RABGAP1L: variants seen among roughly 807,000 people sequenced by gnomAD.
RABGAP1L encodes rab GTPase-activating protein 1-like.
In RABGAP1L, 63 loss-of-function variants were observed where a neutral mutation model predicts 137.7. That is an observed-to-expected ratio of 0.46 (90% CI 0.37 to 0.56). The LOEUF is 0.56. RABGAP1L is among the 20% of genes least tolerant of loss of function. The pLI is 0.00. For synonymous variants in RABGAP1L, 431 were observed against 433.7 expected (o/e 0.99, Z 0.08); for missense variants, 1,095 against 1,244.0 (o/e 0.88, Z 1.80).
chr1:174,614,002 T>C (rs1248706919), intron 13 of RABGAP1L, among the ~76,000 whole-genome samples: 1 of 152,236 alleles, frequency 6.6e-6, no homozygotes, highest in African/African-American at 2.4e-5. Flanking sequence ...GGGTCTTGAC[T>C]CTTTATCCAA....
At chr1:174,724,735 A>G (rs1681849773) in intron 17 of RABGAP1L, among the ~76,000 whole-genome samples, 1 of 152,214 alleles carries the variant, frequency 6.6e-6, no homozygotes, top group Non-Finnish European at 1.5e-5. Context: ...GATAATAAAT[A>G]CAAAAAATAT....
intron 13 of RABGAP1L, among the ~76,000 whole-genome samples, chr1:174,451,283 T>A (rs979364380): frequency 1.6e-4 from 25 of 152,208 alleles, no homozygotes; most frequent in African/African-American, 6.0e-4. Context: ...TACATATTAT[T>A]TGGGAATCGT....
intron 17 of RABGAP1L, among the ~76,000 whole-genome samples, chr1:174,745,589 G>A (rs916606242): frequency 6.6e-6 from 1 of 152,206 alleles, no homozygotes; most frequent in Non-Finnish European, 1.5e-5. Flanking sequence ...TACTAACAGT[G>A]TTCTGTCTCT....
At chr1:174,694,075 A>AT (rs1679069657) in intron 15 of RABGAP1L, among the ~76,000 whole-genome samples, 4 of 152,210 alleles carry the variant, frequency 2.6e-5, no homozygotes, top group Non-Finnish European at 1.5e-5. Flanking sequence ...TGTATTAAGT[A>AT]TTATAAAGAG....
At chr1:174,712,705 C>A (rs1680657406) in intron 17 of RABGAP1L, among the ~76,000 whole-genome samples, 1 of 152,244 alleles carries the variant, frequency 6.6e-6, no homozygotes, top group South Asian at 2.1e-4. Context: ...TTTCCCTGAT[C>A]ACCCGTTCTT....
At chr1:174,390,540 GCCAA>G (rs1436092889) in intron 12 of RABGAP1L, among the ~76,000 whole-genome samples, 4 of 152,140 alleles carry the variant, frequency 2.6e-5, no homozygotes, top group African/African-American at 9.6e-5. Context: ...AATAATCTGG[GCCAA>G]CCGAGTATTT....
intron 11 of RABGAP1L, among the ~76,000 whole-genome samples, chr1:174,305,634 C>T (rs1475486361): frequency 6.6e-6 from 1 of 152,130 alleles, no homozygotes; most frequent in Non-Finnish European, 1.5e-5. Context: ...AATCTGCCCG[C>T]CTCAGCCTAC....
chr1:174,848,949 G>C (rs534253168), intron 19 of RABGAP1L, among the ~76,000 whole-genome samples: 1 of 151,572 alleles, frequency 6.6e-6, no homozygotes, highest in Non-Finnish European at 1.5e-5. Context: ...TTTTTAAGCC[G>C]GTCTGAAAAG....
chr1:174,862,451 TC>T (rs1261710364), intron 19 of RABGAP1L, among the ~76,000 whole-genome samples: 2 of 152,132 alleles, frequency 1.3e-5, no homozygotes, highest in African/African-American at 4.8e-5. Context: ...GTTATCCTGA[TC>T]CAATACCTTA....
At chr1:174,350,866 A>T (rs1390830281) in intron 11 of RABGAP1L, among the ~76,000 whole-genome samples, 1 of 95,638 alleles carries the variant, frequency 1.0e-5, no homozygotes, top group Non-Finnish European at 2.2e-5. Flanking sequence ...AGGTTGGCGG[A>T]TCACTCGCGG....
chr1:174,752,386 A>G (rs1460715440), intron 18 of RABGAP1L, 32 bp downstream of exon 18: 6 of 1,473,230 alleles, frequency 4.1e-6, no homozygotes, highest in Admixed American at 1.9e-5. Context: ...AAGTTACCAC[A>G]TTCTCTTACC....
At chr1:174,846,438 G>A (rs1306018087) in intron 19 of RABGAP1L, among the ~76,000 whole-genome samples, 6 of 150,230 alleles carry the variant, frequency 4.0e-5, no homozygotes, top group East Asian at 2.0e-4. Context: ...CTTTGTTCTC[G>A]TTGGTTTCAA....
At chr1:174,642,500 T>G (rs1281897187) in intron 14 of RABGAP1L, among the ~76,000 whole-genome samples, 1 of 152,192 alleles carries the variant, frequency 6.6e-6, no homozygotes, top group East Asian at 1.9e-4. Flanking sequence ...ATTATGAGGA[T>G]GAATTATTTT....
intron 13 of RABGAP1L, among the ~76,000 whole-genome samples, chr1:174,452,680 G>A (rs1237827235): frequency 6.6e-6 from 1 of 152,096 alleles, no homozygotes; most frequent in Non-Finnish European, 1.5e-5. Context: ...TCCTGCCTCA[G>A]CCTCCCAAGT....
At chr1:174,576,018 GAA>G (rs1403864800) in intron 13 of RABGAP1L, among the ~76,000 whole-genome samples, 1 of 152,186 alleles carries the variant, frequency 6.6e-6, no homozygotes, top group Non-Finnish European at 1.5e-5. Context: ...AGTATACAGA[GAA>G]AAGAATTTAC....
chr1:174,316,513 T>C (rs923357291), intron 11 of RABGAP1L, among the ~76,000 whole-genome samples: 7 of 152,232 alleles, frequency 4.6e-5, no homozygotes, highest in Admixed American at 4.6e-4. Flanking sequence ...TTGATGGTCT[T>C]GGATAAGATC....
chr1:174,409,086 T>G (rs932762851), intron 13 of RABGAP1L, among the ~76,000 whole-genome samples: 11 of 152,188 alleles, frequency 7.2e-5, no homozygotes, highest in African/African-American at 2.7e-4. Flanking sequence ...ACTTGTTAAT[T>G]TATGTTTTCT....
At chr1:174,204,757 T>A (rs1431306012) in intron 1 of RABGAP1L, among the ~76,000 whole-genome samples, 1 of 152,200 alleles carries the variant, frequency 6.6e-6, no homozygotes, top group Non-Finnish European at 1.5e-5. Context: ...CTTGCTGTTC[T>A]CATGGTAGTG....
chr1:174,985,318 A>G (rs1671497889), intron 24 of RABGAP1L, among the ~76,000 whole-genome samples: 1 of 152,238 alleles, frequency 6.6e-6, no homozygotes, highest in Non-Finnish European at 1.5e-5. Flanking sequence ...GCTTGAGCCC[A>G]GGAGGCTGAA....
Sources: allele counts gnomAD v4.1 joint callset (sites outside exome capture counted in the v4.1 genomes callset), GRCh38; gene constraint gnomAD v4.1.1; transcripts MANE v1.5; gene names NCBI Gene and HGNC (gene_info 2026-07-23, HGNC 2026-07-21).